FAM117A: variants seen among roughly 807,000 people sequenced by gnomAD.
The protein encoded by FAM117A is protein FAM117A.
FAM117A carries 21 observed loss-of-function variants against 44.1 expected under a neutral mutation model. The observed-to-expected ratio is 0.48, with a 90% confidence interval of 0.34 to 0.69. The LOEUF (loss-of-function observed/expected upper bound fraction) is 0.69, where lower values mean the gene tolerates loss of function less well. Among genes scored for constraint, FAM117A ranks in the 30% least tolerant of loss-of-function variants. The pLI, the probability that FAM117A is intolerant of heterozygous loss-of-function variation, is 0.01. For synonymous variants in FAM117A, 220 were observed against 238.3 expected (o/e 0.92, Z 0.71); for missense variants, 498 against 589.9 (o/e 0.84, Z 1.61).
At chr17:49,711,622 G>T in intron 7 of FAM117A, 67 bp from the exon 8 acceptor site, 2 of 1,470,918 alleles carry the variant, frequency 1.4e-6, no homozygotes, top group Non-Finnish European at 1.9e-6. Flanking sequence ...AGCGAGAGAG[G>T]GTGAGATGTC....
chr17:49,737,744 G>T (rs909900683), intron 1 of FAM117A, among the ~76,000 whole-genome samples: 4 of 152,196 alleles, frequency 2.6e-5, no homozygotes, highest in Non-Finnish European at 5.9e-5. Context: ...AGCTGTAAAA[G>T]GGGATAGGGA....
chr17:49,716,078 A>G lies in FAM117A; in HGVS notation c.1061+87T>C, dbSNP rs956557698. 8.9e-6 allele frequency: 13 copies of G among 1,461,520 alleles called. No homozygotes were observed. In the African/African-American group the frequency reaches 1.5e-4, roughly 17 times the overall value. The allele number at this position is 1,461,520 out of a possible 1,614,324, so 90.5% of individuals were successfully genotyped here. On this transcript the variant is annotated intron_variant, in intron 7 of 7. Coordinates refer to ENST00000240364, the MANE Select transcript of FAM117A (RefSeq NM_030802.4). ...ATCATCTAAAGTTGACAACACCTCT[A>G]TGACAAGAGAGAGTCCAAGACTGAA...
intron 1 of FAM117A, among the ~76,000 whole-genome samples, chr17:49,769,717 A>G (rs12949906): frequency 0.49 from 74,423 of 151,752 alleles, 21,302 homozygotes; most frequent in Middle Eastern, 0.74. Context: ...AAAATAAATA[A>G]ATAAATAAAT....
chr17:49,725,287 CAGCA>C (rs1466800440), intron 2 of FAM117A, among the ~76,000 whole-genome samples: 1 of 152,182 alleles, frequency 6.6e-6, no homozygotes, highest in Non-Finnish European at 1.5e-5. Context: ...TCTGAGTGTA[CAGCA>C]TTCGTGCAAT....
chr17:49,721,926 TAA>T (rs55897746), intron 3 of FAM117A, among the ~76,000 whole-genome samples: 3 of 140,332 alleles, frequency 2.1e-5, no homozygotes, highest in Non-Finnish European at 1.6e-5. Context: ...CCATCTCTAC[TAA>T]AAAAAAAAAA....
At chr17:49,785,404 C>T (rs547994611) in intron 1 of FAM117A, among the ~76,000 whole-genome samples, 1 of 152,002 alleles carries the variant, frequency 6.6e-6, no homozygotes, top group Non-Finnish European at 1.5e-5. Flanking sequence ...CCTAGCTACT[C>T]GGGAGGCTGA....
intron 1 of FAM117A, among the ~76,000 whole-genome samples, chr17:49,761,924 A>G (rs945555013): frequency 6.6e-6 from 1 of 152,200 alleles, no homozygotes; most frequent in Admixed American, 6.5e-5. Context: ...CACTTCTAAG[A>G]TATTAATAGG....
intron 1 of FAM117A, among the ~76,000 whole-genome samples, chr17:49,762,956 C>T (rs1361973765): frequency 6.6e-6 from 1 of 152,176 alleles, no homozygotes; most frequent in East Asian, 1.9e-4. Flanking sequence ...GAACCCATTT[C>T]AGTGCTGTTC....
chr17:49,745,733 A>G (rs1048549830), intron 1 of FAM117A, among the ~76,000 whole-genome samples: 5 of 152,232 alleles, frequency 3.3e-5, no homozygotes, highest in African/African-American at 1.2e-4. Flanking sequence ...ACAACCAGAG[A>G]CAATTGACAT....
chr17:49,785,592 A>T (rs1344091324), intron 1 of FAM117A, among the ~76,000 whole-genome samples: 4 of 152,154 alleles, frequency 2.6e-5, no homozygotes, highest in Non-Finnish European at 5.9e-5. Flanking sequence ...TAAAATTCAG[A>T]TCTGACATCA....
At chr17:49,785,505 C>A (rs763814830) in intron 1 of FAM117A, among the ~76,000 whole-genome samples, 4 of 152,086 alleles carry the variant, frequency 2.6e-5, no homozygotes, top group Non-Finnish European at 4.4e-5. Context: ...GAGTGAGACA[C>A]TGTCTCTTAA....
intron 2 of FAM117A, among the ~76,000 whole-genome samples, chr17:49,728,038 C>T (rs2073567951): frequency 6.6e-6 from 1 of 152,244 alleles, no homozygotes; most frequent in Non-Finnish European, 1.5e-5. Flanking sequence ...GCACTGAAAA[C>T]TGGCTGCAAG....
At chr17:49,758,811 C>T (rs906964690) in intron 1 of FAM117A, among the ~76,000 whole-genome samples, 2 of 152,030 alleles carry the variant, frequency 1.3e-5, no homozygotes, top group Non-Finnish European at 1.5e-5. Context: ...TCAGAAGATG[C>T]CACACCCAAA....
intron 1 of FAM117A, among the ~76,000 whole-genome samples, chr17:49,773,651 G>A (rs868784675): frequency 1.3e-5 from 2 of 151,776 alleles, no homozygotes; most frequent in African/African-American, 2.4e-5. Flanking sequence ...ATTAGACCTC[G>A]CTTTCTCCAA....
At chr17:49,755,141 T>C (rs2073693842) in intron 1 of FAM117A, among the ~76,000 whole-genome samples, 1 of 151,734 alleles carries the variant, frequency 6.6e-6, no homozygotes, top group Admixed American at 6.6e-5. Flanking sequence ...ACAGTGTAAG[T>C]GTCCAGGGCC....
At chr17:49,770,592 T>C (rs2073758216) in intron 1 of FAM117A, among the ~76,000 whole-genome samples, 1 of 152,146 alleles carries the variant, frequency 6.6e-6, no homozygotes, top group African/African-American at 2.4e-5. Flanking sequence ...GTTGCACAAT[T>C]CTATAAATAC....
At chr17:49,732,183 C>T (rs1010988636) in intron 2 of FAM117A, 2 of 174,964 alleles carry the variant, frequency 1.1e-5, no homozygotes, top group African/African-American at 4.7e-5. Flanking sequence ...CCCAGATTGA[C>T]TTCTCTCTTC....
At chr17:49,716,132 C>T in intron 7 of FAM117A, 33 bp downstream of exon 7, 3 of 1,558,194 alleles carry the variant, frequency 1.9e-6, no homozygotes, top group Middle Eastern at 2.3e-4. Context: ...GCCCACCCTC[C>T]CCTCCCACAC....
intron 2 of FAM117A, among the ~76,000 whole-genome samples, chr17:49,722,849 T>C (rs1435557662): frequency 6.6e-6 from 1 of 152,150 alleles, no homozygotes; most frequent in Non-Finnish European, 1.5e-5. Flanking sequence ...CTGAGTGCTA[T>C]ACATATATGA....
Sources: gnomAD v4.1 joint callset for allele counts (sites outside exome capture counted in the v4.1 genomes callset) on GRCh38, gnomAD v4.1.1 for gene constraint, MANE v1.5 for transcripts, NCBI Gene and HGNC (gene_info 2026-07-23, HGNC 2026-07-21) for gene names.